CTNND2: variants seen among roughly 807,000 people sequenced by gnomAD.
CTNND2 encodes the protein catenin delta-2.
In CTNND2, 22 loss-of-function variants were observed where a neutral mutation model predicts 144.4. The observed-to-expected ratio is 0.15, with a 90% CI of 0.11 to 0.22. The LOEUF (loss-of-function observed/expected upper bound fraction) is 0.22, where lower values mean the gene tolerates loss of function less well. Among genes scored for constraint, CTNND2 ranks in the 10% least tolerant of loss-of-function variants. The pLI is 1.00. For missense variants in CTNND2, 1,353 were observed against 1,618.8 expected (o/e 0.84, Z 2.82); for synonymous variants, 751 against 695.6 (o/e 1.08, Z -1.25).
intron 2 of CTNND2, among the ~76,000 whole-genome samples, chr5:11,571,670 C>T (rs1459857674): frequency 6.6e-6 from 1 of 152,126 alleles, no homozygotes; most frequent in African/African-American, 2.4e-5. Context: ...CATGCACCCA[C>T]ACCCCGCACC....
At chr5:11,025,310 C>T (rs950929634) in intron 16 of CTNND2, among the ~76,000 whole-genome samples, 1 of 152,140 alleles carries the variant, frequency 6.6e-6, no homozygotes, top group Non-Finnish European at 1.5e-5. Flanking sequence ...TTGAAAAATG[C>T]TGTCTTTTTA....
chr5:11,324,838 A>C (rs1435657240), intron 9 of CTNND2, among the ~76,000 whole-genome samples: 2 of 152,100 alleles, frequency 1.3e-5, no homozygotes, highest in African/African-American at 4.8e-5. Flanking sequence ...GAAAGAAACC[A>C]TTTGTTTGGT....
At chr5:11,525,166 T>G (rs1773123882) in intron 3 of CTNND2, among the ~76,000 whole-genome samples, 1 of 152,198 alleles carries the variant, frequency 6.6e-6, no homozygotes, top group Non-Finnish European at 1.5e-5. Flanking sequence ...CTAGGGCTTT[T>G]TAGCTGCAGC....
Position 11,148,053 on chromosome 5 carries a change from G to C in CTNND2, c.2159+11523C>G, listed in dbSNP as rs1757415339. On this transcript the variant is annotated intron_variant, in intron 12 of 21. Coordinates refer to ENST00000304623, the MANE Select transcript of CTNND2 (RefSeq NM_001332.4). ...ATGAACCTTGAACACATCATGCTAA[G>C]TGAAGGAAGCCAGTCATAAAAGTCA... Among the ~76,000 whole-genome samples, 3 of 152,322 alleles carry C rather than the reference G, an allele frequency of 2.0e-5. No homozygotes were observed. The South Asian group carries it at 6.2e-4, about 32-fold the overall frequency.
At chr5:11,666,589 T>G (rs916400770) in intron 2 of CTNND2, among the ~76,000 whole-genome samples, 2 of 152,202 alleles carry the variant, frequency 1.3e-5, no homozygotes, top group Non-Finnish European at 2.9e-5. Flanking sequence ...GAACTAAGTC[T>G]GCCTGATCAT....
intron 3 of CTNND2, among the ~76,000 whole-genome samples, chr5:11,564,531 A>G (rs186262984): frequency 2.0e-4 from 30 of 152,276 alleles, no homozygotes; most frequent in Admixed American, 5.2e-4. Context: ...TTCATAACTT[A>G]GCATTATGTA....
At chr5:11,092,714 C>A (rs563975439) in intron 15 of CTNND2, among the ~76,000 whole-genome samples, 1 of 152,326 alleles carries the variant, frequency 6.6e-6, no homozygotes, top group South Asian at 2.1e-4. Context: ...AGGCACGATG[C>A]TTCGCGTTGT....
intron 3 of CTNND2, among the ~76,000 whole-genome samples, chr5:11,560,204 A>C (rs1201824559): frequency 6.6e-6 from 1 of 152,192 alleles, no homozygotes; most frequent in Non-Finnish European, 1.5e-5. Flanking sequence ...CACTCTTTAT[A>C]ATTGTTATTA....
At chr5:11,466,002 T>TA (rs1457993304) in intron 3 of CTNND2, among the ~76,000 whole-genome samples, 1 of 152,082 alleles carries the variant, frequency 6.6e-6, no homozygotes, top group Non-Finnish European at 1.5e-5. Context: ...TTTTCTAACT[T>TA]AAAAAAACAA....
chr5:11,398,616 G>C (rs1227301656), intron 5 of CTNND2, among the ~76,000 whole-genome samples: 1 of 151,968 alleles, frequency 6.6e-6, no homozygotes, highest in Non-Finnish European at 1.5e-5. Context: ...GGAAATAAAA[G>C]TGTTTTCATC....
At chr5:11,157,724 G>A (rs1209327901) in intron 12 of CTNND2, among the ~76,000 whole-genome samples, 2 of 152,204 alleles carry the variant, frequency 1.3e-5, no homozygotes, top group African/African-American at 2.4e-5. Flanking sequence ...TGATATGGAC[G>A]ACTGTGACTG....
intron 16 of CTNND2, among the ~76,000 whole-genome samples, chr5:11,032,689 AG>A (rs567148170): frequency 5.6e-4 from 86 of 152,354 alleles, no homozygotes; most frequent in African/African-American, 1.9e-3. Flanking sequence ...AGCAATCAAA[AG>A]GAACACTATG....
intron 2 of CTNND2, among the ~76,000 whole-genome samples, chr5:11,639,490 A>G (rs1453243324): frequency 2.0e-5 from 3 of 152,216 alleles, no homozygotes; most frequent in South Asian, 2.1e-4. Flanking sequence ...TCTGTCTTAT[A>G]GCACACAAGA....
chr5:11,607,950 C>G (rs1217587461), intron 2 of CTNND2, among the ~76,000 whole-genome samples: 2 of 152,100 alleles, frequency 1.3e-5, no homozygotes, highest in Non-Finnish European at 2.9e-5. Context: ...CATAAAAAAC[C>G]CAGGGGAAAA....
intron 2 of CTNND2, among the ~76,000 whole-genome samples, chr5:11,722,097 C>T (rs192040425): frequency 2.0e-5 from 3 of 152,288 alleles, no homozygotes; most frequent in African/African-American, 7.2e-5. Flanking sequence ...CCTATTTACT[C>T]ACTTCCTGTG....
At chr5:10,997,332 G>A (rs138902309) in intron 18 of CTNND2, among the ~76,000 whole-genome samples, 2,472 of 152,184 alleles carry the variant, frequency 0.016, 74 homozygotes, top group African/African-American at 0.057. Context: ...GGTGGCTCAC[G>A]CCTGTAATCC....
chr5:11,402,864 T>C (rs1183534113), intron 5 of CTNND2, among the ~76,000 whole-genome samples: 1 of 152,222 alleles, frequency 6.6e-6, no homozygotes, highest in Non-Finnish European at 1.5e-5. Flanking sequence ...AATTAAAACG[T>C]TAATGGTCCC....
chr5:11,653,271 T>A (rs1782740544), intron 2 of CTNND2, among the ~76,000 whole-genome samples: 1 of 152,142 alleles, frequency 6.6e-6, no homozygotes, highest in African/African-American at 2.4e-5. Context: ...CATATACCCA[T>A]TATAGTGCGA....
chr5:11,497,228 T>A (rs61757515), intron 3 of CTNND2, among the ~76,000 whole-genome samples: 5 of 148,560 alleles, frequency 3.4e-5, no homozygotes, highest in Non-Finnish European at 6.0e-5. Flanking sequence ...TGTGACTACT[T>A]TTTTTTTTTA....
Sources: gnomAD v4.1 joint callset for allele counts (sites outside exome capture counted in the v4.1 genomes callset) on GRCh38, gnomAD v4.1.1 for gene constraint, MANE v1.5 for transcripts, NCBI Gene and HGNC (gene_info 2026-07-23, HGNC 2026-07-21) for gene names.